The following LINGO2 variants were observed in gnomAD, a reference collection of about 807,000 sequenced individuals.
LINGO2 encodes leucine-rich repeat and immunoglobulin-like domain-containing nogo receptor-interacting protein 2.
LINGO2 carries 14 observed loss-of-function variants against 30.6 expected under a neutral mutation model. The ratio of observed to expected loss-of-function variants is 0.46; its 90% CI spans 0.30 to 0.72. The LOEUF (loss-of-function observed/expected upper bound fraction) is 0.72, where lower values mean the gene tolerates loss of function less well. Ranked by LOEUF, LINGO2 falls within the 30% of genes least tolerant of loss-of-function variation. The probability of loss-of-function intolerance (pLI) is 0.07; values close to 1 mark genes in which losing one functional copy is unlikely to be tolerated. For synonymous variants in LINGO2, 317 were observed against 288.5 expected (o/e 1.10, Z -1.00); for missense variants, 729 against 751.7 (o/e 0.97, Z 0.35).
chr9:28,010,691 G>A (rs1167882233), intron 5 of LINGO2, among the ~76,000 whole-genome samples: 2 of 152,204 alleles, frequency 1.3e-5, no homozygotes, highest in Admixed American at 1.3e-4. Flanking sequence ...GCTGGCTTAC[G>A]CCTATAATCT....
intron 1 of LINGO2, among the ~76,000 whole-genome samples, chr9:28,666,812 T>C (rs1828819795): frequency 6.6e-6 from 1 of 152,192 alleles, no homozygotes. Flanking sequence ...CTTACTTTTG[T>C]CAGTTTTTCT....
chr9:28,929,699 C>T, the LINGO2 span, among the ~76,000 whole-genome samples: 1 of 152,160 alleles, frequency 6.6e-6, no homozygotes, highest in African/African-American at 2.4e-5. Context: ...TATTATGTCA[C>T]AACACTGCAA....
chr9:28,404,366 ATTAAC>A (rs1487922393), intron 2 of LINGO2, among the ~76,000 whole-genome samples: 1 of 152,130 alleles, frequency 6.6e-6, no homozygotes, highest in African/African-American at 2.4e-5. Flanking sequence ...AGCTTACTTT[ATTAAC>A]TTAATTTTCT....
intron 4 of LINGO2, among the ~76,000 whole-genome samples, chr9:28,199,636 C>T (rs2133814318): frequency 6.6e-6 from 1 of 152,244 alleles, no homozygotes; most frequent in Admixed American, 6.5e-5. Flanking sequence ...CTGCGCCTGG[C>T]CCCTTCTTCA....
the LINGO2 span, chr9:27,941,001 C>T: frequency 7.1e-5 from 8 of 112,764 alleles, no homozygotes; most frequent in African/African-American, 2.3e-4. Context: ...TGGGAAATGG[C>T]CCTTTGTTTT....
intron 3 of LINGO2, among the ~76,000 whole-genome samples, chr9:28,372,339 T>C (rs1461524743): frequency 6.6e-6 from 1 of 152,220 alleles, no homozygotes; most frequent in Non-Finnish European, 1.5e-5. Context: ...CATATTAACA[T>C]ACATGTTAAA....
At chr9:28,178,401 T>A (rs940611052) in intron 4 of LINGO2, among the ~76,000 whole-genome samples, 2 of 152,074 alleles carry the variant, frequency 1.3e-5, no homozygotes, top group Admixed American at 6.6e-5. Context: ...AAAATATACA[T>A]CAACATGGCA....
the LINGO2 span, among the ~76,000 whole-genome samples, chr9:28,959,612 T>TCTCA: frequency 0.037 from 4,947 of 132,000 alleles, 132 homozygotes; most frequent in Admixed American, 0.07. Context: ...TCTCTCTCCC[T>TCTCA]CACACACACA....
At chr9:28,950,481 C>A in the LINGO2 span, among the ~76,000 whole-genome samples, 1 of 151,958 alleles carries the variant, frequency 6.6e-6, no homozygotes, top group Non-Finnish European at 1.5e-5. Flanking sequence ...GACATGATTG[C>A]ATATTTAGAA....
chr9:29,155,109 T>C, the LINGO2 span, among the ~76,000 whole-genome samples: 1 of 152,206 alleles, frequency 6.6e-6, no homozygotes, highest in Non-Finnish European at 1.5e-5. Flanking sequence ...TTTTTCTTTT[T>C]ATTATTATTC....
At chr9:28,612,497 G>A (rs1346628700) in intron 1 of LINGO2, among the ~76,000 whole-genome samples, 1 of 152,284 alleles carries the variant, frequency 6.6e-6, no homozygotes, top group Non-Finnish European at 1.5e-5. Context: ...CAAGGCTGTG[G>A]GAGTGAGACA....
the LINGO2 span, among the ~76,000 whole-genome samples, chr9:28,807,745 A>G: frequency 6.6e-6 from 1 of 152,200 alleles, no homozygotes; most frequent in South Asian, 2.1e-4. Context: ...TCATTTTATT[A>G]TAATCATTGT....
intron 1 of LINGO2, among the ~76,000 whole-genome samples, chr9:28,593,106 T>C (rs988896815): frequency 6.6e-6 from 1 of 152,088 alleles, no homozygotes. Context: ...CCTATTAGAC[T>C]TCAGCAAATC....
intron 4 of LINGO2, among the ~76,000 whole-genome samples, chr9:28,096,303 CATT>C (rs1826240621): frequency 6.6e-6 from 1 of 152,086 alleles, no homozygotes; most frequent in Admixed American, 6.6e-5. Context: ...AAATTACTAT[CATT>C]AATAATGCAT....
At chr9:28,745,829 C>G in the LINGO2 span, among the ~76,000 whole-genome samples, 1 of 151,948 alleles carries the variant, frequency 6.6e-6, no homozygotes, top group African/African-American at 2.4e-5. Flanking sequence ...GTCCTGATTC[C>G]TATACTATAT....
chr9:28,098,614 T>A (rs1208147659), intron 4 of LINGO2, among the ~76,000 whole-genome samples: 2 of 152,162 alleles, frequency 1.3e-5, no homozygotes, highest in African/African-American at 4.8e-5. Context: ...GTTATTCTGA[T>A]ATTTTTATGT....
At chr9:28,433,953 A>C (rs62555196) in intron 2 of LINGO2, among the ~76,000 whole-genome samples, 28,099 of 91,512 alleles carry the variant, frequency 0.31, 4,669 homozygotes, top group Non-Finnish European at 0.45. Flanking sequence ...CTCTCTCTAT[A>C]TATATATATA....
At chr9:28,765,867 T>C in the LINGO2 span, among the ~76,000 whole-genome samples, 1 of 151,844 alleles carries the variant, frequency 6.6e-6, no homozygotes, top group African/African-American at 2.4e-5. Context: ...CTTCAATAAA[T>C]CATGGTGGGA....
chr9:28,108,166 C>A (rs565508969), intron 4 of LINGO2, among the ~76,000 whole-genome samples: 20 of 152,084 alleles, frequency 1.3e-4, no homozygotes, highest in African/African-American at 4.6e-4. Context: ...AAAGCTCTCT[C>A]GCAGCTACAA....
Sources: gnomAD v4.1 joint callset for allele counts (sites outside exome capture counted in the v4.1 genomes callset) on GRCh38, gnomAD v4.1.1 for gene constraint, MANE v1.5 for transcripts, NCBI Gene and HGNC (gene_info 2026-07-23, HGNC 2026-07-21) for gene names.